CLSTN2: variants seen among roughly 807,000 people sequenced by gnomAD.
The protein encoded by CLSTN2 is calsyntenin-2.
CLSTN2 carries 48 observed loss-of-function variants against 101.2 expected under a neutral mutation model. The observed-to-expected ratio is 0.47, with a 90% confidence interval of 0.38 to 0.60. CLSTN2 has a LOEUF of 0.60. Ranked by LOEUF, CLSTN2 falls within the 20% of genes least tolerant of loss-of-function variation. The probability of loss-of-function intolerance (pLI) is 0.00; values close to 1 mark genes in which losing one functional copy is unlikely to be tolerated. For missense variants in CLSTN2, 1,160 were observed against 1,238.2 expected, an observed-to-expected ratio of 0.94 and a Z score of 0.95; for synonymous variants, 481 against 463.6, an observed-to-expected ratio of 1.04 and a Z score of -0.48.
At chr3:140,403,349 A>T (rs887050273) in intron 2 of CLSTN2, among the ~76,000 whole-genome samples, 1 of 152,162 alleles carries the variant, frequency 6.6e-6, no homozygotes, top group African/African-American at 2.4e-5. Context: ...GGAGTAAAGG[A>T]AAGAGGAAAG....
chr3:140,247,008 C>G (rs1167753667), intron 2 of CLSTN2, among the ~76,000 whole-genome samples: 3 of 152,168 alleles, frequency 2.0e-5, no homozygotes, highest in African/African-American at 7.2e-5. Flanking sequence ...TAGTTATGGA[C>G]TGATTCCAGA....
intron 10 of CLSTN2, among the ~76,000 whole-genome samples, chr3:140,555,107 C>T (rs1222789333): frequency 6.6e-6 from 1 of 152,220 alleles, no homozygotes; most frequent in African/African-American, 2.4e-5. Flanking sequence ...ACCTCCCTCA[C>T]TGTGAGATGC....
intron 1 of CLSTN2, among the ~76,000 whole-genome samples, chr3:139,994,339 C>A (rs1205791354): frequency 1.3e-5 from 2 of 152,148 alleles, no homozygotes; most frequent in African/African-American, 4.8e-5. Context: ...AGCTTTTTGT[C>A]ATAATTCCAC....
Position 140,235,199 on chromosome 3 carries a change from A to G in CLSTN2, c.232+59126A>G, listed in dbSNP as rs184674136. On this transcript the variant is annotated intron_variant, in intron 2 of 16. Transcript: ENST00000458420. ...GTTGTGTCCTCCATGCTTTTAGTAC[A>G]TGGCTTTTTGCACATAGCTGGGCAC... Among the ~76,000 whole-genome samples, 20 of 152,320 alleles carry G rather than the reference A, an allele frequency of 1.3e-4. No individual in the cohort carries two copies. The East Asian group carries it at 3.1e-3, about 23-fold the overall frequency.
intron 2 of CLSTN2, among the ~76,000 whole-genome samples, chr3:140,189,329 A>C (rs970417214): frequency 6.6e-5 from 10 of 152,178 alleles, no homozygotes; most frequent in African/African-American, 2.4e-4. Flanking sequence ...GAAACTGCTG[A>C]AGTGTGTTCT....
intron 1 of CLSTN2, among the ~76,000 whole-genome samples, chr3:140,145,688 A>C (rs1016180445): frequency 3.3e-5 from 5 of 152,162 alleles, no homozygotes; most frequent in African/African-American, 1.2e-4. Context: ...CCTGGTGGCA[A>C]ATTGTAACAT....
intron 2 of CLSTN2, among the ~76,000 whole-genome samples, chr3:140,327,894 G>A (rs1188331163): frequency 2.0e-5 from 3 of 152,200 alleles, no homozygotes; most frequent in Non-Finnish European, 2.9e-5. Context: ...TAATGAAAAT[G>A]TACTTAGAAA....
At chr3:140,391,417 T>C (rs1489151600) in intron 2 of CLSTN2, among the ~76,000 whole-genome samples, 1 of 152,072 alleles carries the variant, frequency 6.6e-6, no homozygotes, top group Non-Finnish European at 1.5e-5. Flanking sequence ...TGTGATGTTA[T>C]TGTGAGAAGG....
intron 1 of CLSTN2, among the ~76,000 whole-genome samples, chr3:139,937,982 G>A (rs1935058210): frequency 6.6e-5 from 10 of 151,806 alleles, no homozygotes; most frequent in Admixed American, 6.6e-4. Flanking sequence ...GTATTTACAG[G>A]ACTGACTTTC....
intron 1 of CLSTN2, among the ~76,000 whole-genome samples, chr3:140,149,498 C>A (rs994081798): frequency 5.3e-5 from 8 of 151,946 alleles, no homozygotes; most frequent in African/African-American, 1.9e-4. Flanking sequence ...ACTCTGTCAC[C>A]AGGCTGGAGT....
intron 2 of CLSTN2, among the ~76,000 whole-genome samples, chr3:140,332,012 C>T (rs1478958445): frequency 1.3e-5 from 2 of 152,126 alleles, no homozygotes; most frequent in African/African-American, 2.4e-5. Context: ...AGACATGAAT[C>T]AATTCAATCC....
intron 1 of CLSTN2, among the ~76,000 whole-genome samples, chr3:140,123,773 T>C (rs942157625): frequency 1.8e-4 from 27 of 152,108 alleles, no homozygotes; most frequent in Admixed American, 1.6e-3. Flanking sequence ...CTTTCCTCAG[T>C]GCATTCACAT....
At chr3:140,545,437 C>A (rs948875792) in intron 9 of CLSTN2, among the ~76,000 whole-genome samples, 2 of 152,060 alleles carry the variant, frequency 1.3e-5, no homozygotes, top group Admixed American at 1.3e-4. Flanking sequence ...CAGAAGTGTG[C>A]CCTAGGAGCA....
intron 1 of CLSTN2, among the ~76,000 whole-genome samples, chr3:139,975,018 A>C (rs967791510): frequency 6.6e-6 from 1 of 152,178 alleles, no homozygotes; most frequent in Non-Finnish European, 1.5e-5. Flanking sequence ...GCTTCAGCTC[A>C]CATAGTCCCA....
chr3:140,480,917 G>A (rs566643123), intron 8 of CLSTN2, among the ~76,000 whole-genome samples: 82 of 152,142 alleles, frequency 5.4e-4, no homozygotes, highest in Non-Finnish European at 9.7e-4. Flanking sequence ...TCTGATGATA[G>A]TTTCTTTTGC....
At chr3:140,137,090 T>A (rs1162527579) in intron 1 of CLSTN2, among the ~76,000 whole-genome samples, 3 of 152,182 alleles carry the variant, frequency 2.0e-5, no homozygotes, top group Admixed American at 2.0e-4. Flanking sequence ...GGACCTGGGC[T>A]TGGTACTGGA....
intron 1 of CLSTN2, among the ~76,000 whole-genome samples, chr3:140,062,966 G>C (rs1168125383): frequency 6.6e-6 from 1 of 152,142 alleles, no homozygotes; most frequent in Non-Finnish European, 1.5e-5. Context: ...TATTGAAGTA[G>C]AGTTATCAAA....
intron 2 of CLSTN2, among the ~76,000 whole-genome samples, chr3:140,255,379 G>A (rs986093813): frequency 3.9e-5 from 6 of 152,144 alleles, no homozygotes; most frequent in Non-Finnish European, 8.8e-5. Context: ...GTTCACTACA[G>A]CAAAGACATG....
rs912492624 is a variant in CLSTN2 at position 140,011,596 on chromosome 3, C to T, written c.109+76113C>T. Among the ~76,000 whole-genome samples, 10 of 152,178 alleles carry T rather than the reference C, an allele frequency of 6.6e-5. No individual in the cohort carries two copies. In the East Asian group the frequency reaches 1.9e-3, roughly 29 times the overall value. ...CTACCTGGCCTAGTGCTTAGTAGTA[C>T]ATAGCATATACTTAATAAGGGGTTA... On this transcript the variant is annotated intron_variant, in intron 1 of 16. Transcript: ENST00000458420.
Sources: gnomAD v4.1 joint callset for allele counts (sites outside exome capture counted in the v4.1 genomes callset) on GRCh38, gnomAD v4.1.1 for gene constraint, MANE v1.5 for transcripts, NCBI Gene and HGNC (gene_info 2026-07-23, HGNC 2026-07-21) for gene names.